LIN7C: variants seen among roughly 807,000 people sequenced by gnomAD.
LIN7C encodes the protein lin-7 cell polarity scaffold C.
A neutral mutation model predicts 24.7 loss-of-function variants in LIN7C; 17 were observed. That is an observed-to-expected ratio of 0.69 (90% CI 0.47 to 1.03). The LOEUF (loss-of-function observed/expected upper bound fraction) is 1.03. Among genes scored for constraint, LIN7C ranks in the 50% least tolerant of loss-of-function variants. The probability of loss-of-function intolerance (pLI) is 0.00; values close to 1 mark genes in which losing one functional copy is unlikely to be tolerated. For synonymous variants in LIN7C, 90 were observed against 83.4 expected, an observed-to-expected ratio of 1.08 and a Z score of -0.43; for missense variants, 204 against 239.0, an observed-to-expected ratio of 0.85 and a Z score of 0.97.
chr11:27,496,523 T>C lies in LIN7C; in HGVS notation c.*2126A>G, dbSNP rs1865172174. The C allele has an allele frequency of 6.6e-6, 1 of 152,286 alleles. No individual in the cohort carries two copies. Among genetic ancestry groups the C allele is most frequent in the Non-Finnish European group, 1.5e-5 (1 of 68,010 alleles). The allele number at this position is 152,286 out of a possible 1,614,324, so 9.4% of individuals were successfully genotyped here. A position where few individuals can be genotyped will look rare whatever the true frequency, so the allele number is the denominator to read the frequency against. On this transcript the variant is annotated 3_prime_UTR_variant, in exon 5 of 5. Coordinates refer to ENST00000278193, the MANE Select transcript of LIN7C (RefSeq NM_018362.4). The stretch of plus-strand genomic sequence containing the variant: ...GGATACATTATGAAAACTGCATTAA[T>C]GAAAACAACCTACTGCTATTCATGC...
intron 1 of LIN7C, among the ~76,000 whole-genome samples, chr11:27,503,603 T>A (rs1253280259): frequency 6.6e-6 from 1 of 152,130 alleles, no homozygotes; most frequent in African/African-American, 2.4e-5. Flanking sequence ...AACCTCTGCC[T>A]CCCAGGTTCA....
At chr11:27,506,043 G>A (rs933884561) in intron 1 of LIN7C, among the ~76,000 whole-genome samples, 4 of 152,206 alleles carry the variant, frequency 2.6e-5, no homozygotes, top group Non-Finnish European at 5.9e-5. Context: ...GCTCTAGGAA[G>A]CAATCAGCCA....
chr11:27,506,629 G>A lies in LIN7C; in HGVS notation c.37+87C>T. ...AAGGGACAGCGTGGCCCGGATCTCA[G>A]AGCCTGGGTCACTCCTCCTCCCCTC... On this transcript the variant is annotated intron_variant, in intron 1 of 4. Coordinates refer to ENST00000278193, the MANE Select transcript of LIN7C (RefSeq NM_018362.4). 4.7e-6 allele frequency: 7 copies of A among 1,479,916 alleles called. No homozygotes were observed. The South Asian group carries it at 8.0e-5, about 17-fold the overall frequency. The allele number at this position is 1,479,916 out of a possible 1,614,324, so 91.7% of individuals were successfully genotyped here. A position where few individuals can be genotyped will look rare whatever the true frequency, so the allele number is the denominator to read the frequency against.
chr11:27,495,702 TA>T lies in LIN7C; in HGVS notation c.*2946del, dbSNP rs1757288399. 1 of 141,084 alleles carries T rather than the reference TA, an allele frequency of 7.1e-6. No homozygotes were observed. Among genetic ancestry groups the T allele is most frequent in the African/African-American group, 2.6e-5 (1 of 37,828 alleles). The allele number at this position is 141,084 out of a possible 1,614,324, so 8.7% of individuals were successfully genotyped here. A position where few individuals can be genotyped will look rare whatever the true frequency, so the allele number is the denominator to read the frequency against. ...AAAGGGGGCAGAATGATGACAGACA[TA>T]AAAAGCTCACATTTAAATTACTGGT... is the stretch of plus-strand genomic sequence containing the variant. On this transcript the variant is annotated 3_prime_UTR_variant, in exon 5 of 5. Coordinates refer to ENST00000278193, the MANE Select transcript of LIN7C (RefSeq NM_018362.4).
intron 1 of LIN7C, among the ~76,000 whole-genome samples, chr11:27,502,904 G>C (rs886879495): frequency 3.3e-5 from 5 of 152,176 alleles, no homozygotes; most frequent in African/African-American, 1.2e-4. Context: ...CTGAGGTCAA[G>C]AGTTCAAGAC....
At chr11:27,505,113 T>A (rs2133492307) in intron 1 of LIN7C, among the ~76,000 whole-genome samples, 2 of 152,134 alleles carry the variant, frequency 1.3e-5, no homozygotes, top group South Asian at 4.1e-4. Flanking sequence ...CGGGCGGACT[T>A]CCTAAGCTCA....
chr11:27,502,937 C>G (rs753174459), intron 1 of LIN7C, among the ~76,000 whole-genome samples: 1 of 151,682 alleles, frequency 6.6e-6, no homozygotes, highest in Non-Finnish European at 1.5e-5. Context: ...CATGGTGAAA[C>G]CCCAACTCTA....
In LIN7C at chr11:27,506,686, CCACCTCCGCCGAGCCTCGGCTGCACT is replaced by C. The variant is rs1565115751; in HGVS notation, c.37+4_37+29del. 1.2e-6 allele frequency: 2 copies of C among 1,613,284 alleles called. No individual in the cohort carries two copies. On this transcript the variant is annotated splice_donor_5th_base_variant and intron_variant, in intron 1 of 4. Coordinates refer to ENST00000278193, the MANE Select transcript of LIN7C (RefSeq NM_018362.4). ...CACAGCACTCCCCCAACCCTTCCGC[CCACCTCCGCCGAGCCTCGGCTGCACT>C]CACCTCTCTCCAGCCGCACGGGTTC...
At chr11:27,501,623 T>TAAAATTTCAGGCGAAGTC (rs1865227357) in intron 2 of LIN7C, 57 bp from the exon 3 acceptor site, 2 of 1,306,756 alleles carry the variant, frequency 1.5e-6, no homozygotes, top group Admixed American at 4.5e-5. Context: ...TCTGTGAAGT[T>TAAAATTTCAGGCGAAGTC]AAAATTTCAG....
chr11:27,499,640 C>A, intron 3 of LIN7C, 72 bp from the exon 4 acceptor site: 1 of 1,360,666 alleles, frequency 7.3e-7, no homozygotes, highest in Non-Finnish European at 1.0e-6. Context: ...TGTTTCCCCC[C>A]GAGATGGAGT....
Position 27,496,879 on chromosome 11 carries a change from T to C in LIN7C, c.*1770A>G, listed in dbSNP as rs901450744. 5.9e-5 allele frequency: 9 copies of C among 152,510 alleles called. No individual in the cohort carries two copies. Among genetic ancestry groups the C allele is most frequent in the African/African-American group, 1.9e-4 (8 of 41,456 alleles). The allele number at this position is 152,510 out of a possible 1,614,324, so 9.4% of individuals were successfully genotyped here. A position where few individuals can be genotyped will look rare whatever the true frequency, so the allele number is the denominator to read the frequency against. On this transcript the variant is annotated 3_prime_UTR_variant, in exon 5 of 5. Coordinates refer to ENST00000278193, the MANE Select transcript of LIN7C (RefSeq NM_018362.4). Reference sequence around the variant, plus strand: ...TGCAAGAATACAAGCATAACAATAATATTACTGTTTTTATATGCACCAATA... The same window carrying C: ...TGCAAGAATACAAGCATAACAATAACATTACTGTTTTTATATGCACCAATA...
intron 1 of LIN7C, among the ~76,000 whole-genome samples, chr11:27,506,477 T>TTTAGTTGTGC (rs1865300301): frequency 6.6e-6 from 1 of 152,204 alleles, no homozygotes; most frequent in Admixed American, 6.5e-5. Context: ...GCAGGTTGTG[T>TTTAGTTGTGC]TTAGTTGTGC....
At chr11:27,499,886 C>T (rs1435349788) in intron 3 of LIN7C, among the ~76,000 whole-genome samples, 2 of 152,192 alleles carry the variant, frequency 1.3e-5, no homozygotes, top group African/African-American at 4.8e-5. Context: ...CTTGGCCTCC[C>T]AAAGTGCTGG....
chr11:27,501,936 C>G lies in LIN7C; in HGVS notation c.38-16G>C. ...CTACAAATATCTAGAGTTAAACACA[C>G]ACACAGATAATTTTCTCCAAGGGTT... On this transcript the variant is annotated splice_polypyrimidine_tract_variant and intron_variant, in intron 1 of 4. Coordinates refer to ENST00000278193, the MANE Select transcript of LIN7C (RefSeq NM_018362.4). 3 of 1,474,362 alleles carry G rather than the reference C, an allele frequency of 2.0e-6. No homozygotes were observed. Among genetic ancestry groups the G allele is most frequent in the Non-Finnish European group, 2.8e-6 (3 of 1,055,866 alleles). The allele number at this position is 1,474,362 out of a possible 1,614,324, so 91.3% of individuals were successfully genotyped here.
chr11:27,501,603 G>A, intron 2 of LIN7C, 37 bp from the exon 3 acceptor site: 1 of 1,423,958 alleles, frequency 7.0e-7, no homozygotes, highest in East Asian at 2.3e-5. Flanking sequence ...AATATACCAT[G>A]CTTGAGTTCT....
At chr11:27,499,318 C>A in intron 4 of LIN7C, 41 bp downstream of exon 4, 2 of 1,560,690 alleles carry the variant, frequency 1.3e-6, no homozygotes, top group South Asian at 1.1e-5. Flanking sequence ...CCCAGGTGGT[C>A]ACAACAGATC....
rs1339775583 is a variant in LIN7C at position 27,497,992 on chromosome 11, TA to T, written c.*656del. The T allele has an allele frequency of 1.1e-4, 17 of 152,154 alleles. No homozygotes were observed. The highest frequency in any genetic ancestry group is 4.4e-5 in the Non-Finnish European group (3 of 67,976). The allele number at this position is 152,154 out of a possible 1,614,324, so 9.4% of individuals were successfully genotyped here. A position where few individuals can be genotyped will look rare whatever the true frequency, so the allele number is the denominator to read the frequency against. Reference sequence around the variant, plus strand: ...TTTTAGCAATGATTGTTTCAGTGTTTAAAAACTTACTTTCATAAATCAGTAT... The same window carrying T: ...TTTTAGCAATGATTGTTTCAGTGTTTAAAACTTACTTTCATAAATCAGTAT... On this transcript the variant is annotated 3_prime_UTR_variant, in exon 5 of 5. Transcript: ENST00000278193.
In LIN7C at chr11:27,499,558, G is replaced by A; in HGVS notation, c.239C>T (p.Ala80Val). ...RANATAKATV[A>V]AFAASEGHSH... ...ATGTCCTTCACTGGCAGCAAATGCA[G>A]CAACAGTAGCCTGAAAGAAAGTTTT... The change falls in exon 4 of 5, where the codon GCT becomes GTT. Residue 80 changes from alanine to valine, a missense_variant. By Grantham distance (64) the Ala-to-Val change is moderately conservative (BLOSUM62 0). Around this residue, in one of 3 missense-constraint regions of LIN7C, gnomAD observed 126 missense variants for 117.8 expected, o/e 1.07. Coordinates refer to ENST00000278193, the MANE Select transcript of LIN7C (RefSeq NM_018362.4). 2 of 1,613,982 alleles carry A rather than the reference G, an allele frequency of 1.2e-6. No homozygotes were observed. The highest frequency in any genetic ancestry group is 1.7e-6 in the Non-Finnish European group (2 of 1,179,908).
intron 1 of LIN7C, among the ~76,000 whole-genome samples, chr11:27,504,523 A>G (rs1367747077): frequency 6.6e-6 from 1 of 152,202 alleles, no homozygotes; most frequent in Non-Finnish European, 1.5e-5. Flanking sequence ...TTAGAATTCT[A>G]AACAAGAATC....
Sources: allele counts gnomAD v4.1 joint callset (sites outside exome capture counted in the v4.1 genomes callset), GRCh38; gene constraint gnomAD v4.1.1; regional missense constraint gnomAD v4.1.1; transcripts MANE v1.5; gene names NCBI Gene and HGNC (gene_info 2026-07-23, HGNC 2026-07-21).